The following DLG2 variants were observed in gnomAD, a reference collection of about 807,000 sequenced individuals.
The protein encoded by DLG2 is discs large MAGUK scaffold protein 2, also known as disks large homolog 2.
In DLG2, 45 loss-of-function variants were observed where a neutral mutation model predicts 132.5. That is an observed-to-expected ratio of 0.34 (90% CI 0.27 to 0.44). The LOEUF (loss-of-function observed/expected upper bound fraction) is 0.44, where lower values mean the gene tolerates loss of function less well. Ranked by LOEUF, DLG2 falls within the 20% of genes least tolerant of loss-of-function variation. The probability of loss-of-function intolerance (pLI) is 1.00; values close to 1 mark genes in which losing one functional copy is unlikely to be tolerated. For missense variants in DLG2, 1,045 were observed against 1,196.9 expected, an observed-to-expected ratio of 0.87 and a Z score of 1.87; for synonymous variants, 424 against 419.6, an observed-to-expected ratio of 1.01 and a Z score of -0.13.
chr11:85,534,074 A>T (rs1319226893), intron 3 of DLG2, among the ~76,000 whole-genome samples: 1 of 151,776 alleles, frequency 6.6e-6, no homozygotes, highest in African/African-American at 2.4e-5. Context: ...TGCAGTCCCC[A>T]CCTCCCAGGT....
intron 6 of DLG2, among the ~76,000 whole-genome samples, chr11:84,768,770 G>C (rs2068802086): frequency 6.6e-6 from 1 of 151,924 alleles, no homozygotes; most frequent in African/African-American, 2.4e-5. Context: ...CCTCTCACCA[G>C]ATTCCTGGGA....
chr11:84,167,079 C>T (rs1377037661), intron 8 of DLG2: 8 of 505,726 alleles, frequency 1.6e-5, no homozygotes, highest in Non-Finnish European at 3.2e-5. Flanking sequence ...CTAGAAAAAT[C>T]AGAGGATTGA....
At chr11:83,797,722 A>G (rs1235920015) in intron 17 of DLG2, among the ~76,000 whole-genome samples, 2 of 151,884 alleles carry the variant, frequency 1.3e-5, no homozygotes. Flanking sequence ...GTTTCACTGT[A>G]TTAGCCAGGA....
At chr11:85,619,948 A>G (rs2081587778) in intron 2 of DLG2, among the ~76,000 whole-genome samples, 1 of 152,238 alleles carries the variant, frequency 6.6e-6, no homozygotes, top group Admixed American at 6.5e-5. Context: ...AGGCCACTCA[A>G]TGAAGTCAGG....
intron 11 of DLG2, among the ~76,000 whole-genome samples, chr11:84,027,260 A>G (rs2095561268): frequency 6.6e-6 from 1 of 152,134 alleles, no homozygotes; most frequent in South Asian, 2.1e-4. Flanking sequence ...ATTTTATTAG[A>G]AAAATAAAAG....
intron 3 of DLG2, among the ~76,000 whole-genome samples, chr11:85,472,974 T>C (rs972655295): frequency 1.3e-5 from 2 of 152,220 alleles, no homozygotes; most frequent in Non-Finnish European, 2.9e-5. Context: ...AGCTGTGACA[T>C]GCTGTAACAC....
intron 3 of DLG2, among the ~76,000 whole-genome samples, chr11:85,520,551 C>T (rs1431157091): frequency 2.5e-5 from 3 of 120,576 alleles, no homozygotes; most frequent in Admixed American, 1.7e-4. Flanking sequence ...AAAGAATAAC[C>T]AATGCTACCC....
intron 15 of DLG2, among the ~76,000 whole-genome samples, chr11:83,924,219 G>A (rs1174656516): frequency 6.6e-6 from 1 of 152,114 alleles, no homozygotes; most frequent in Non-Finnish European, 1.5e-5. Context: ...TTAGAGATTA[G>A]TTTTGGAATT....
chr11:84,770,850 T>C (rs1442794959), intron 6 of DLG2, among the ~76,000 whole-genome samples: 1 of 151,352 alleles, frequency 6.6e-6, no homozygotes, highest in East Asian at 1.9e-4. Flanking sequence ...GGTTTCACCG[T>C]GTTAGCCAGG....
At chr11:84,330,763 T>C (rs980362112) in intron 7 of DLG2, among the ~76,000 whole-genome samples, 2 of 152,184 alleles carry the variant, frequency 1.3e-5, no homozygotes, top group African/African-American at 4.8e-5. Context: ...AACCTCAGTG[T>C]TCAGTCCCAG....
intron 18 of DLG2, among the ~76,000 whole-genome samples, chr11:83,759,844 T>A (rs749150441): frequency 6.6e-6 from 1 of 152,206 alleles, no homozygotes; most frequent in Non-Finnish European, 1.5e-5. Context: ...AGAACCCAAA[T>A]TAATAATTAC....
At chr11:84,882,997 G>C (rs2087602141) in intron 6 of DLG2, among the ~76,000 whole-genome samples, 1 of 152,068 alleles carries the variant, frequency 6.6e-6, no homozygotes, top group Non-Finnish European at 1.5e-5. Flanking sequence ...CTGTTATAAA[G>C]ACACATGCAC....
chr11:84,625,838 C>T (rs563509130), intron 6 of DLG2, among the ~76,000 whole-genome samples: 9 of 152,146 alleles, frequency 5.9e-5, no homozygotes, highest in Non-Finnish European at 1.0e-4. Flanking sequence ...AAACACTAGT[C>T]ATTTAGATTA....
intron 3 of DLG2, among the ~76,000 whole-genome samples, chr11:85,512,428 A>G (rs1233371532): frequency 1.3e-5 from 2 of 152,130 alleles, no homozygotes; most frequent in African/African-American, 2.4e-5. Context: ...ATATTTGACT[A>G]TCTTCATCAA....
intron 6 of DLG2, among the ~76,000 whole-genome samples, chr11:85,079,376 A>T (rs2066946045): frequency 6.6e-6 from 1 of 152,054 alleles, no homozygotes; most frequent in African/African-American, 2.4e-5. Context: ...ATAATGGGGC[A>T]TGTGGACAAC....
At chr11:84,407,914 T>C (rs957621290) in intron 7 of DLG2, among the ~76,000 whole-genome samples, 1 of 152,130 alleles carries the variant, frequency 6.6e-6, no homozygotes, top group Non-Finnish European at 1.5e-5. Flanking sequence ...AAAACAAGGA[T>C]CATAGAATCA....
chr11:83,711,685 TATC>T (rs2085461652), intron 18 of DLG2, among the ~76,000 whole-genome samples: 1 of 152,146 alleles, frequency 6.6e-6, no homozygotes, highest in Admixed American at 6.5e-5. Context: ...ACTGTGCAAG[TATC>T]ATGTCTAGAC....
chr11:85,580,089 T>C (rs2078416464), intron 3 of DLG2, among the ~76,000 whole-genome samples: 1 of 151,786 alleles, frequency 6.6e-6, no homozygotes, highest in South Asian at 2.1e-4. Flanking sequence ...TAAAGAGGAG[T>C]CCCACTGCAC....
intron 3 of DLG2, among the ~76,000 whole-genome samples, chr11:85,543,679 C>T (rs1457363560): frequency 6.6e-6 from 1 of 152,182 alleles, no homozygotes; most frequent in East Asian, 1.9e-4. Flanking sequence ...GATCACCATT[C>T]TAACTGTCGT....
Sources: allele counts gnomAD v4.1 joint callset (sites outside exome capture counted in the v4.1 genomes callset), GRCh38; gene constraint gnomAD v4.1.1; transcripts MANE v1.5; gene names NCBI Gene and HGNC (gene_info 2026-07-23, HGNC 2026-07-21).